AFG2A: variants seen among roughly 807,000 people sequenced by gnomAD.
AFG2A encodes the protein AAA ATPase AFG2A.
At chr4:123,071,121 G>T in the AFG2A span, among the ~76,000 whole-genome samples, 13 of 152,168 alleles carry the variant, frequency 8.5e-5, no homozygotes, top group Admixed American at 8.5e-4. Flanking sequence ...GTTCAGGATT[G>T]GGAAACAATT....
the AFG2A span, among the ~76,000 whole-genome samples, chr4:123,139,935 G>T: frequency 3.7e-3 from 568 of 151,972 alleles, 2 homozygotes; most frequent in Non-Finnish European, 5.5e-3. Context: ...AGAGAAATAG[G>T]TTTCCAGGAT....
chr4:123,071,147 C>T, the AFG2A span, among the ~76,000 whole-genome samples: 1 of 152,288 alleles, frequency 6.6e-6, no homozygotes, highest in Admixed American at 6.5e-5. Context: ...CAAAAAATTG[C>T]TTTTGTCAGG....
chr4:123,214,455 G>A, the AFG2A span, among the ~76,000 whole-genome samples: 1 of 151,870 alleles, frequency 6.6e-6, no homozygotes, highest in Admixed American at 6.6e-5. Flanking sequence ...AAATACAGTT[G>A]ACCCTTTGAA....
the AFG2A span, among the ~76,000 whole-genome samples, chr4:123,288,915 A>G: frequency 1.3e-5 from 2 of 152,146 alleles, no homozygotes; most frequent in Non-Finnish European, 2.9e-5. Context: ...ATCAGGCCTC[A>G]TTGGTCCCGG....
chr4:123,055,293 A>G, the AFG2A span, among the ~76,000 whole-genome samples: 1 of 152,130 alleles, frequency 6.6e-6, no homozygotes, highest in Non-Finnish European at 1.5e-5. Flanking sequence ...GATGTATTTC[A>G]TATTTTTGAG....
chr4:122,929,592 G>A, the AFG2A span, among the ~76,000 whole-genome samples: 28 of 152,208 alleles, frequency 1.8e-4, no homozygotes, highest in African/African-American at 6.3e-4. Context: ...CCAACTATTT[G>A]GGAGGCTGAG....
At chr4:123,244,275 C>G in the AFG2A span, among the ~76,000 whole-genome samples, 1 of 152,072 alleles carries the variant, frequency 6.6e-6, no homozygotes, top group Non-Finnish European at 1.5e-5. Context: ...TCTGGTGGGA[C>G]TGATAAGAAA....
At chr4:122,948,987 A>C in the AFG2A span, among the ~76,000 whole-genome samples, 1 of 152,190 alleles carries the variant, frequency 6.6e-6, no homozygotes, top group African/African-American at 2.4e-5. Flanking sequence ...AATAACAATC[A>C]TACTGTATAG....
At chr4:123,095,065 A>ATATATATATG in the AFG2A span, among the ~76,000 whole-genome samples, 21 of 120,618 alleles carry the variant, frequency 1.7e-4, no homozygotes, top group African/African-American at 5.9e-4. Flanking sequence ...ATATATATAT[A>ATATATATATG]TGTGTGTGTG....
the AFG2A span, among the ~76,000 whole-genome samples, chr4:123,192,610 G>A: frequency 1.6e-4 from 24 of 152,288 alleles, no homozygotes; most frequent in African/African-American, 5.8e-4. Flanking sequence ...GAATAATGCA[G>A]GTAAAGAACA....
At chr4:123,097,585 A>AT in the AFG2A span, among the ~76,000 whole-genome samples, 3 of 152,138 alleles carry the variant, frequency 2.0e-5, no homozygotes. Flanking sequence ...CAAGACTCTC[A>AT]TAAGTGTTTT....
At chr4:123,188,759 A>G in the AFG2A span, among the ~76,000 whole-genome samples, 3 of 152,350 alleles carry the variant, frequency 2.0e-5, no homozygotes, top group South Asian at 4.1e-4. Flanking sequence ...AGGATTAATC[A>G]TAAAAGGATA....
At chr4:123,277,134 T>C in the AFG2A span, among the ~76,000 whole-genome samples, 1 of 152,172 alleles carries the variant, frequency 6.6e-6, no homozygotes. Flanking sequence ...TTTTCTATTT[T>C]TGTGTCATCT....
chr4:123,207,574 C>T, the AFG2A span, among the ~76,000 whole-genome samples: 1 of 152,130 alleles, frequency 6.6e-6, no homozygotes, highest in Admixed American at 6.5e-5. Flanking sequence ...ATCCTGGCCT[C>T]CCAAAGTGCT....
chr4:123,127,541 G>A, the AFG2A span, among the ~76,000 whole-genome samples: 1 of 151,938 alleles, frequency 6.6e-6, no homozygotes, highest in Non-Finnish European at 1.5e-5. Context: ...AGCCACGGAA[G>A]GTAAACAGTT....
At chr4:123,252,072 G>T in the AFG2A span, among the ~76,000 whole-genome samples, 1 of 151,938 alleles carries the variant, frequency 6.6e-6, no homozygotes, top group Non-Finnish European at 1.5e-5. Flanking sequence ...TACTACCATA[G>T]GTTTCTCCTA....
At chr4:123,173,084 T>A in the AFG2A span, among the ~76,000 whole-genome samples, 1 of 152,080 alleles carries the variant, frequency 6.6e-6, no homozygotes, top group Non-Finnish European at 1.5e-5. Context: ...ACACAAACAC[T>A]TGAATAAACA....
the AFG2A span, among the ~76,000 whole-genome samples, chr4:122,939,381 C>T: frequency 2.6e-5 from 4 of 151,834 alleles, no homozygotes; most frequent in Non-Finnish European, 4.4e-5. Flanking sequence ...CGCGCCCAGC[C>T]GGGATATGTT....
At chr4:122,966,090 G>T in the AFG2A span, among the ~76,000 whole-genome samples, 1 of 152,196 alleles carries the variant, frequency 6.6e-6, no homozygotes, top group Admixed American at 6.5e-5. Context: ...GTAAGCTCTT[G>T]ATAATATATT....
Sources: gnomAD v4.1 joint callset for allele counts (sites outside exome capture counted in the v4.1 genomes callset) on GRCh38, gnomAD v4.1.1 for gene constraint, MANE v1.5 for transcripts, NCBI Gene and HGNC (gene_info 2026-07-23, HGNC 2026-07-21) for gene names.